ARHGAP42: variants seen among roughly 807,000 people sequenced by gnomAD.
ARHGAP42 encodes Rho GTPase activating protein 42, also known as rho GTPase-activating protein 42.
A neutral mutation model predicts 125.0 loss-of-function variants in ARHGAP42; 63 were observed. That is an observed-to-expected ratio of 0.50 (90% CI 0.41 to 0.62). The LOEUF (loss-of-function observed/expected upper bound fraction) is 0.62, where lower values mean the gene tolerates loss of function less well. ARHGAP42 is among the 20% of genes least tolerant of loss of function. The pLI is 0.00. For synonymous variants in ARHGAP42, 339 were observed against 351.0 expected, an observed-to-expected ratio of 0.97 and a Z score of 0.38; for missense variants, 766 against 1,024.2, an observed-to-expected ratio of 0.75 and a Z score of 3.44.
intron 1 of ARHGAP42, among the ~76,000 whole-genome samples, chr11:100,740,838 TA>T (rs767074733): frequency 2.3e-4 from 35 of 151,854 alleles, no homozygotes; most frequent in Admixed American, 5.9e-4. Context: ...CTGGATTATT[TA>T]AAAAAAATAT....
At chr11:100,929,628 A>G (rs905015807) in intron 6 of ARHGAP42, among the ~76,000 whole-genome samples, 3 of 152,132 alleles carry the variant, frequency 2.0e-5, no homozygotes, top group African/African-American at 4.8e-5. Flanking sequence ...CTTAGATTTC[A>G]CTGTGGTTTT....
intron 3 of ARHGAP42, among the ~76,000 whole-genome samples, chr11:100,841,035 A>G (rs918808684): frequency 6.6e-6 from 1 of 152,178 alleles, no homozygotes; most frequent in African/African-American, 2.4e-5. Context: ...TGACATGTGA[A>G]GAACAGATTC....
chr11:100,733,825 GAAAAAAAAA>G (rs551074447), intron 1 of ARHGAP42, among the ~76,000 whole-genome samples: 2 of 31,388 alleles, frequency 6.4e-5, no homozygotes, highest in South Asian at 1.8e-3. Flanking sequence ...ATTCTGTCTG[GAAAAAAAAA>G]AAAAAAAAAA....
chr11:100,810,235 T>A (rs1864103919), intron 3 of ARHGAP42, among the ~76,000 whole-genome samples: 1 of 152,132 alleles, frequency 6.6e-6, no homozygotes, highest in African/African-American at 2.4e-5. Flanking sequence ...GGGAACTAAA[T>A]AAACAGAAAA....
intron 4 of ARHGAP42, among the ~76,000 whole-genome samples, chr11:100,874,190 A>C (rs1326301451): frequency 1.3e-5 from 2 of 152,186 alleles, no homozygotes; most frequent in African/African-American, 4.8e-5. Flanking sequence ...ACCAAACAGG[A>C]GAAGGAGTCT....
chr11:100,907,819 C>T (rs920890656), intron 4 of ARHGAP42, among the ~76,000 whole-genome samples: 1 of 152,126 alleles, frequency 6.6e-6, no homozygotes, highest in African/African-American at 2.4e-5. Context: ...CTCTAATCCT[C>T]TTATGTATTT....
intron 17 of ARHGAP42, among the ~76,000 whole-genome samples, chr11:100,966,195 C>T (rs1469554451): frequency 1.3e-5 from 2 of 152,106 alleles, no homozygotes; most frequent in Non-Finnish European, 2.9e-5. Flanking sequence ...TCCATGTATT[C>T]ATGATTTCAC....
At chr11:100,961,349 T>C (rs1252913408) in intron 14 of ARHGAP42, among the ~76,000 whole-genome samples, 1 of 152,092 alleles carries the variant, frequency 6.6e-6, no homozygotes. Context: ...AAAATAGGGA[T>C]AATAATGGTA....
Position 100,687,579 on chromosome 11 carries a change from C to G in ARHGAP42, c.-100C>G. On this transcript the variant is annotated 5_prime_UTR_variant, in exon 1 of 24. Transcript: ENST00000298815. The stretch of plus-strand genomic sequence containing the variant: ...TCCCCTCGCGTCCCGGCGCCTTCCC[C>G]GCGATCGCGCGACCCCAGCGCCCGC... 2.0e-6 allele frequency: 2 copies of G among 997,578 alleles called. No individual in the cohort carries two copies. The highest frequency in any genetic ancestry group is 4.0e-4 in the Middle Eastern group (1 of 2,522). 61.8% of individuals were successfully genotyped at this position (997,578 alleles called of 1,614,324 possible). A position where few individuals can be genotyped will look rare whatever the true frequency, so the allele number is the denominator to read the frequency against.
At chr11:100,962,383 A>G (rs1162558593) in intron 15 of ARHGAP42, 26 bp from the exon 16 acceptor site, 1 of 1,541,904 alleles carries the variant, frequency 6.5e-7, no homozygotes, top group African/African-American at 1.4e-5. Context: ...TACTATTCTA[A>G]CATGTGTTTC....
At chr11:100,788,518 T>C (rs1863488386) in intron 2 of ARHGAP42, among the ~76,000 whole-genome samples, 1 of 152,220 alleles carries the variant, frequency 6.6e-6, no homozygotes. Context: ...ATTTATTTAA[T>C]AGGAAGCAAT....
At chr11:100,812,070 G>C (rs983986513) in intron 3 of ARHGAP42, among the ~76,000 whole-genome samples, 16 of 152,108 alleles carry the variant, frequency 1.1e-4, no homozygotes, top group African/African-American at 3.6e-4. Flanking sequence ...CAAAGTGCTA[G>C]GATTACAGAT....
intron 4 of ARHGAP42, among the ~76,000 whole-genome samples, chr11:100,890,979 T>A (rs1305298848): frequency 1.3e-5 from 2 of 152,212 alleles, no homozygotes; most frequent in Non-Finnish European, 2.9e-5. Context: ...TTGGTTTTCA[T>A]AATGAGTTGC....
intron 2 of ARHGAP42, among the ~76,000 whole-genome samples, chr11:100,776,268 A>G (rs1156685335): frequency 6.6e-6 from 1 of 152,206 alleles, no homozygotes; most frequent in Non-Finnish European, 1.5e-5. Context: ...CTTGGAAACC[A>G]TTGGAAAGTC....
chr11:100,728,745 T>TGC (rs1861905950), intron 1 of ARHGAP42, among the ~76,000 whole-genome samples: 1 of 134,084 alleles, frequency 7.5e-6, no homozygotes, highest in Non-Finnish European at 1.6e-5. Context: ...TATATATATA[T>TGC]ATATATATAT....
chr11:100,748,410 G>T (rs1408842028), intron 1 of ARHGAP42, among the ~76,000 whole-genome samples: 1 of 151,346 alleles, frequency 6.6e-6, no homozygotes, highest in African/African-American at 2.5e-5. Context: ...TCGTAGGTCT[G>T]GTTGGACCTT....
chr11:100,758,525 G>T (rs1862626885), intron 1 of ARHGAP42, among the ~76,000 whole-genome samples: 1 of 152,106 alleles, frequency 6.6e-6, no homozygotes, highest in South Asian at 2.1e-4. Flanking sequence ...TCCTTGACTG[G>T]CAGGCACTGT....
chr11:100,751,167 G>T (rs186052048), intron 1 of ARHGAP42, among the ~76,000 whole-genome samples: 1 of 151,862 alleles, frequency 6.6e-6, no homozygotes, highest in Non-Finnish European at 1.5e-5. Context: ...TTGAACTCCT[G>T]ACCTCAGGTG....
intron 1 of ARHGAP42, among the ~76,000 whole-genome samples, chr11:100,759,528 G>C (rs1459753574): frequency 3.3e-5 from 5 of 152,104 alleles, no homozygotes; most frequent in Admixed American, 3.3e-4. Flanking sequence ...TCCACACCTT[G>C]CTGTTCAGGG....
Sources: allele counts gnomAD v4.1 joint callset (sites outside exome capture counted in the v4.1 genomes callset), GRCh38; gene constraint gnomAD v4.1.1; transcripts MANE v1.5; gene names NCBI Gene and HGNC (gene_info 2026-07-23, HGNC 2026-07-21).